CHN2: variants seen among roughly 807,000 people sequenced by gnomAD.
The protein encoded by CHN2 is beta-chimaerin.
Under a neutral mutation model 56.3 loss-of-function variants are expected in CHN2, and 35 were observed. That is an observed-to-expected ratio of 0.62 (90% CI 0.47 to 0.82). The LOEUF (loss-of-function observed/expected upper bound fraction) is 0.82, where lower values mean the gene tolerates loss of function less well. Ranked by LOEUF, CHN2 falls within the 40% of genes least tolerant of loss-of-function variation. The probability of loss-of-function intolerance (pLI) is 0.00; values close to 1 mark genes in which losing one functional copy is unlikely to be tolerated. For missense variants in CHN2, 491 were observed against 580.5 expected, an observed-to-expected ratio of 0.85 and a Z score of 1.58; for synonymous variants, 210 against 212.8, an observed-to-expected ratio of 0.99 and a Z score of 0.12.
intron 1 of CHN2, among the ~76,000 whole-genome samples, chr7:29,241,083 A>G (rs1297217728): frequency 6.6e-6 from 1 of 152,062 alleles, no homozygotes; most frequent in East Asian, 1.9e-4. Context: ...ACAGGGTTTC[A>G]CCATGTTGGC....
At chr7:29,381,444 C>T (rs1223193512) in intron 3 of CHN2, among the ~76,000 whole-genome samples, 1 of 151,998 alleles carries the variant, frequency 6.6e-6, no homozygotes, top group Non-Finnish European at 1.5e-5. Flanking sequence ...AATCACGGTG[C>T]CAAAGAAGAT....
At chr7:29,377,530 AT>A (rs1800164772) in intron 3 of CHN2, among the ~76,000 whole-genome samples, 1 of 152,168 alleles carries the variant, frequency 6.6e-6, no homozygotes, top group African/African-American at 2.4e-5. Flanking sequence ...CTTTAATTGC[AT>A]TTGTTTTCCA....
At chr7:29,235,785 A>T (rs1787146660) in intron 1 of CHN2, among the ~76,000 whole-genome samples, 1 of 152,228 alleles carries the variant, frequency 6.6e-6, no homozygotes, top group Non-Finnish European at 1.5e-5. Context: ...TTCATACAGG[A>T]ACTGACAACC....
chr7:29,422,964 C>T (rs1410126271), intron 6 of CHN2, among the ~76,000 whole-genome samples: 2 of 152,210 alleles, frequency 1.3e-5, no homozygotes, highest in African/African-American at 4.8e-5. Flanking sequence ...GTAACTTACA[C>T]TGTTACAGCT....
chr7:29,323,788 G>A (rs1202240710), intron 1 of CHN2, among the ~76,000 whole-genome samples: 2 of 152,020 alleles, frequency 1.3e-5, no homozygotes, highest in Non-Finnish European at 2.9e-5. Context: ...ACGAGGTCAG[G>A]AGATCAAGAC....
intron 3 of CHN2, among the ~76,000 whole-genome samples, chr7:29,391,366 A>C (rs2128072268): frequency 7.2e-6 from 1 of 139,390 alleles, no homozygotes; most frequent in Non-Finnish European, 1.6e-5. Context: ...AGGGGAGGGG[A>C]AGGGAGGGTA....
intron 1 of CHN2, among the ~76,000 whole-genome samples, chr7:29,221,077 C>A (rs1785756276): frequency 6.6e-6 from 1 of 152,112 alleles, no homozygotes; most frequent in Non-Finnish European, 1.5e-5. Flanking sequence ...AATAAAAATT[C>A]TCAACAAACT....
At chr7:29,483,925 G>A (rs1156745467) in intron 7 of CHN2, 1 of 1,285,224 alleles carries the variant, frequency 7.8e-7, no homozygotes. Context: ...TGGGAGTGTT[G>A]GGAGGTTTAA....
At position 29,243,731 on chromosome 7, in the gene CHN2, A is replaced by G. The variant is rs3812375; in HGVS notation, c.49+48741A>G. Reference sequence around the variant, plus strand: ...AGACAAGGAGAGTTTCACCAGCCTCAAGGCTACAGAGGGAAAGAGAATCCA... The same window carrying G: ...AGACAAGGAGAGTTTCACCAGCCTCGAGGCTACAGAGGGAAAGAGAATCCA... On this transcript the variant is annotated intron_variant, in intron 1 of 12. Transcript: ENST00000222792. 1.9e-3 allele frequency among the ~76,000 whole-genome samples: 283 copies of G among 152,324 alleles called. 8 individuals carry two copies. The East Asian group carries it at 0.051, about 28-fold the overall frequency.
At chr7:29,479,535 C>T in intron 6 of CHN2, 1 of 431,688 alleles carries the variant, frequency 2.3e-6, no homozygotes, top group Non-Finnish European at 3.1e-6. Flanking sequence ...CTTTCAAGTG[C>T]TAAGGCAGAT....
intron 6 of CHN2, among the ~76,000 whole-genome samples, chr7:29,461,869 TGGAA>T (rs1328350050): frequency 1.5e-5 from 2 of 129,326 alleles, no homozygotes; most frequent in African/African-American, 7.0e-5. Flanking sequence ...GATGGATGGA[TGGAA>T]GGAAGAGAGA....
In CHN2 at chr7:29,512,598, G is replaced by A. The variant is rs1484243220; in HGVS notation, c.1270G>A (p.Ala424Thr). The A allele has an allele frequency of 5.6e-6, 9 of 1,613,254 alleles. No individual in the cohort carries two copies. The South Asian group carries it at 7.7e-5, about 14-fold the overall frequency. Residue 424 changes from alanine (A) to threonine (T), a missense_variant, in exon 13 of 13, where the codon GCA (alanine) becomes ACA (threonine). Physicochemically the swap from Ala to Thr is moderately conservative, Grantham distance 58 (BLOSUM62 0). Transcript: ENST00000222792. ...GAATGAAAAAGACAATTTCATGAATGCAGAAAATCTGGGGATCGTGTTTGG... is the reference window on the plus strand; with the variant it reads ...GAATGAAAAAGACAATTTCATGAATACAGAAAATCTGGGGATCGTGTTTGG... ...TMNEKDNFMN[A>T]ENLGIVFGPT...
intron 1 of CHN2, among the ~76,000 whole-genome samples, chr7:29,203,335 C>T (rs960088110): frequency 8.6e-5 from 13 of 151,658 alleles, no homozygotes; most frequent in African/African-American, 2.9e-4. Flanking sequence ...GGCATGGTGG[C>T]GCATACCTGT....
At chr7:29,476,434 G>A (rs1006614642) in intron 6 of CHN2, among the ~76,000 whole-genome samples, 3 of 151,736 alleles carry the variant, frequency 2.0e-5, no homozygotes, top group African/African-American at 7.3e-5. Flanking sequence ...GTACTTGGGA[G>A]TCTGACGCAA....
chr7:29,230,111 A>G (rs1398927723), intron 1 of CHN2, among the ~76,000 whole-genome samples: 2 of 152,202 alleles, frequency 1.3e-5, no homozygotes, highest in Admixed American at 1.3e-4. Context: ...TGTGGCCTGG[A>G]AAGTGTAAAG....
chr7:29,230,848 C>T (rs1474087645), intron 1 of CHN2, among the ~76,000 whole-genome samples: 1 of 151,872 alleles, frequency 6.6e-6, no homozygotes, highest in Non-Finnish European at 1.5e-5. Context: ...CCTGTAGTGA[C>T]AATTCTTTAT....
chr7:29,307,761 G>A (rs62442870), intron 1 of CHN2, among the ~76,000 whole-genome samples: 15,747 of 152,124 alleles, frequency 0.1, 862 homozygotes, highest in East Asian at 0.2. Flanking sequence ...TGCCTCCTGG[G>A]CACACAGGAA....
At chr7:29,335,815 A>T (rs1018352074) in intron 1 of CHN2, 1 of 152,270 alleles carries the variant, frequency 6.6e-6, no homozygotes, top group Non-Finnish European at 1.5e-5. Context: ...CTGTGCAGAC[A>T]TTCCTAAAGA....
intron 1 of CHN2, among the ~76,000 whole-genome samples, chr7:29,303,373 A>C (rs1476043771): frequency 4.6e-5 from 7 of 152,094 alleles, no homozygotes; most frequent in Non-Finnish European, 7.4e-5. Flanking sequence ...ACTAGGACCC[A>C]CCTGGGTTGT....
Sources: allele counts gnomAD v4.1 joint callset (sites outside exome capture counted in the v4.1 genomes callset), GRCh38; gene constraint gnomAD v4.1.1; transcripts MANE v1.5; gene names NCBI Gene and HGNC (gene_info 2026-07-23, HGNC 2026-07-21).